PCDH15: variants seen among roughly 807,000 people sequenced by gnomAD.
PCDH15 encodes protocadherin-15.
Under a neutral mutation model 178.5 loss-of-function variants are expected in PCDH15, and 129 were observed. The ratio of observed to expected loss-of-function variants is 0.72; its 90% CI spans 0.63 to 0.84. The LOEUF (loss-of-function observed/expected upper bound fraction) is 0.84. Among genes scored for constraint, PCDH15 ranks in the 40% least tolerant of loss-of-function variants. The pLI, the probability that PCDH15 is intolerant of heterozygous loss-of-function variation, is 0.00. For missense variants in PCDH15, 2,230 were observed against 2,099.9 expected (o/e 1.06, Z -1.21); for synonymous variants, 800 against 732.0 (o/e 1.09, Z -1.50).
At chr10:55,446,900 G>T (rs769276911) in intron 2 of PCDH15, among the ~76,000 whole-genome samples, 3 of 152,064 alleles carry the variant, frequency 2.0e-5, no homozygotes, top group Non-Finnish European at 4.4e-5. Context: ...GTAAGAAGCA[G>T]AAAAGTGAGA....
chr10:54,842,500 A>G (rs1472099929), intron 3 of PCDH15, among the ~76,000 whole-genome samples: 1 of 151,962 alleles, frequency 6.6e-6, no homozygotes, highest in Non-Finnish European at 1.5e-5. Context: ...TCTATAAGGA[A>G]ATCATCTAAG....
At position 54,430,364 on chromosome 10, in the gene PCDH15, AT is replaced by A. The variant is rs141692217; in HGVS notation, c.158-51423del. Reference sequence around the variant, plus strand: ...GCCACCACACCCGGCCAAAATACACATTTTTCTCTTCAGCACATGGAACATT... The same window carrying A: ...GCCACCACACCCGGCCAAAATACACATTTTCTCTTCAGCACATGGAACATT... On this transcript the variant is annotated intron_variant, in intron 3 of 37. Coordinates refer to ENST00000644397, the MANE Select transcript of PCDH15 (RefSeq NM_001384140.1). Among the ~76,000 whole-genome samples the A allele has an allele frequency of 7.0e-3, 1,061 of 152,088 alleles. 8 individuals are homozygous for A. The highest frequency in any genetic ancestry group is 0.023 in the African/African-American group (953 of 41,498).
At chr10:55,062,666 G>A (rs1841463357) in intron 2 of PCDH15, among the ~76,000 whole-genome samples, 1 of 152,134 alleles carries the variant, frequency 6.6e-6, no homozygotes, top group Admixed American at 6.6e-5. Flanking sequence ...GTAGACACAT[G>A]TCAATATAAA....
At chr10:54,795,829 ATGCTTT>A (rs1426300512) in intron 1 of PCDH15, among the ~76,000 whole-genome samples, 4 of 151,900 alleles carry the variant, frequency 2.6e-5, no homozygotes, top group Non-Finnish European at 4.4e-5. Context: ...TCTGATGACA[ATGCTTT>A]TGCTTTCAAG....
At chr10:54,097,211 A>T (rs1363898813) in intron 15 of PCDH15, among the ~76,000 whole-genome samples, 1 of 152,098 alleles carries the variant, frequency 6.6e-6, no homozygotes, top group East Asian at 1.9e-4. Context: ...GCTATACTCA[A>T]ATTTTTAACT....
At chr10:54,282,222 C>T (rs543627375) in intron 8 of PCDH15, among the ~76,000 whole-genome samples, 4 of 152,096 alleles carry the variant, frequency 2.6e-5, no homozygotes, top group South Asian at 2.1e-4. Context: ...CCAGGTCTAC[C>T]GAATCAGAAA....
intron 2 of PCDH15, among the ~76,000 whole-genome samples, chr10:54,979,345 G>A (rs1189200525): frequency 2.6e-5 from 4 of 152,074 alleles, no homozygotes; most frequent in African/African-American, 9.7e-5. Flanking sequence ...TGTTTCTGTG[G>A]CTTCAAGAGG....
At chr10:54,485,986 G>C (rs928804780) in intron 3 of PCDH15, among the ~76,000 whole-genome samples, 1 of 152,018 alleles carries the variant, frequency 6.6e-6, no homozygotes, top group Non-Finnish European at 1.5e-5. Flanking sequence ...CTTTTCAGTG[G>C]CATCAATTTA....
chr10:55,255,919 A>G (rs1841984168), intron 1 of PCDH15, among the ~76,000 whole-genome samples: 1 of 152,108 alleles, frequency 6.6e-6, no homozygotes, highest in Non-Finnish European at 1.5e-5. Context: ...CTCTGATGGT[A>G]GTTTCTTTTG....
chr10:54,989,565 G>T (rs1839452208), intron 2 of PCDH15, among the ~76,000 whole-genome samples: 1 of 152,164 alleles, frequency 6.6e-6, no homozygotes, highest in African/African-American at 2.4e-5. Flanking sequence ...TTTAAGATTT[G>T]ACTCCCCTGC....
chr10:55,544,609 G>A (rs1841838666), intron 2 of PCDH15, among the ~76,000 whole-genome samples: 1 of 151,966 alleles, frequency 6.6e-6, no homozygotes, highest in South Asian at 2.1e-4. Flanking sequence ...ATATGATGGT[G>A]TCGAGTATGA....
At chr10:53,881,680 C>T (rs1379986203) in intron 26 of PCDH15, among the ~76,000 whole-genome samples, 1 of 152,018 alleles carries the variant, frequency 6.6e-6, no homozygotes, top group Non-Finnish European at 1.5e-5. Context: ...AATAATATTT[C>T]TAAAATGTGT....
intron 3 of PCDH15, among the ~76,000 whole-genome samples, chr10:54,851,944 G>C (rs1447490107): frequency 1.3e-5 from 2 of 152,098 alleles, no homozygotes; most frequent in African/African-American, 4.8e-5. Context: ...ATAGAAAACT[G>C]GTAAATTGGC....
intron 7 of PCDH15, among the ~76,000 whole-genome samples, chr10:54,321,053 A>G (rs557422458): frequency 6.9e-6 from 1 of 145,698 alleles, no homozygotes; most frequent in South Asian, 2.2e-4. Context: ...CTTTTGTTAC[A>G]TTTATTAATG....
intron 1 of PCDH15, among the ~76,000 whole-genome samples, chr10:55,263,528 G>C (rs1236250609): frequency 1.3e-5 from 2 of 151,958 alleles, no homozygotes; most frequent in Non-Finnish European, 2.9e-5. Context: ...CAGCAGCCAC[G>C]AGGGGGAGAG....
intron 2 of PCDH15, among the ~76,000 whole-genome samples, chr10:54,642,887 T>C (rs72792602): frequency 0.014 from 2,157 of 152,276 alleles, 36 homozygotes; most frequent in Admixed American, 0.043. Flanking sequence ...CTGTTGTAAC[T>C]CTCCAATGTA....
intron 2 of PCDH15, among the ~76,000 whole-genome samples, chr10:55,542,398 T>C (rs80153409): frequency 0.064 from 9,719 of 150,972 alleles, 653 homozygotes; most frequent in East Asian, 0.3. Context: ...TGTACATGGA[T>C]ACATATGTAT....
chr10:53,840,521 A>G (rs369780297), intron 28 of PCDH15, 25 bp from the exon 29 acceptor site: 14 of 1,602,594 alleles, frequency 8.7e-6, no homozygotes, highest in Non-Finnish European at 1.1e-5. Context: ...AAGTACAAAC[A>G]TGACAGTCCA....
chr10:54,801,958 TC>T (rs1328416522), upstream of PCDH15, among the ~76,000 whole-genome samples: 9 of 152,324 alleles, frequency 5.9e-5, no homozygotes, highest in East Asian at 1.2e-3. Context: ...TCTTAAGGAA[TC>T]TATCTTGCAT....
Sources: allele counts gnomAD v4.1 joint callset (sites outside exome capture counted in the v4.1 genomes callset), GRCh38; gene constraint gnomAD v4.1.1; transcripts MANE v1.5; gene names NCBI Gene and HGNC (gene_info 2026-07-23, HGNC 2026-07-21).